AMPH: variants seen among roughly 807,000 people sequenced by gnomAD.
AMPH encodes the protein amphiphysin.
A neutral mutation model predicts 99.1 loss-of-function variants in AMPH; 49 were observed. The ratio of observed to expected loss-of-function variants is 0.49; its 90% CI spans 0.39 to 0.63. The LOEUF (loss-of-function observed/expected upper bound fraction) is 0.63, where lower values mean the gene tolerates loss of function less well. Ranked by LOEUF, AMPH falls within the 20% of genes least tolerant of loss-of-function variation. The pLI is 0.00. For synonymous variants in AMPH, 314 were observed against 317.3 expected (o/e 0.99, Z 0.11); for missense variants, 759 against 863.4 (o/e 0.88, Z 1.52).
chr7:38,621,950 C>A (rs778287340), intron 1 of AMPH, among the ~76,000 whole-genome samples: 4 of 152,180 alleles, frequency 2.6e-5, no homozygotes, highest in Non-Finnish European at 4.4e-5. Flanking sequence ...GATGTTTCAG[C>A]ATTTCCATGT....
intron 7 of AMPH, among the ~76,000 whole-genome samples, chr7:38,469,962 A>G (rs1034073011): frequency 4.6e-5 from 7 of 151,956 alleles, no homozygotes; most frequent in Non-Finnish European, 2.9e-5. Context: ...TCATTCATTC[A>G]TTTCCATTCC....
chr7:38,549,500 A>G (rs1450975846), intron 1 of AMPH, among the ~76,000 whole-genome samples: 3 of 152,262 alleles, frequency 2.0e-5, no homozygotes, highest in Non-Finnish European at 2.9e-5. Flanking sequence ...AAGAAGCCCA[A>G]CCTTCAGAAT....
At chr7:38,402,379 A>G (rs770503670) in intron 17 of AMPH, among the ~76,000 whole-genome samples, 21 of 152,272 alleles carry the variant, frequency 1.4e-4, no homozygotes, top group Admixed American at 2.6e-4. Context: ...TTTCTTTTGT[A>G]TTGCTCTATA....
chr7:38,464,209 TC>T (rs1787564409), intron 9 of AMPH: 3 of 1,087,186 alleles, frequency 2.8e-6, no homozygotes, highest in Non-Finnish European at 3.7e-6. Context: ...GATGAATTTG[TC>T]CCTTTCATTT....
intron 2 of AMPH, among the ~76,000 whole-genome samples, chr7:38,524,405 G>A (rs1046061774): frequency 6.6e-6 from 1 of 152,166 alleles, no homozygotes; most frequent in Non-Finnish European, 1.5e-5. Context: ...CATTTTCTCT[G>A]GGCCTCTAAC....
chr7:38,536,661 C>A (rs1048834757), intron 1 of AMPH, among the ~76,000 whole-genome samples: 1 of 151,806 alleles, frequency 6.6e-6, no homozygotes, highest in Admixed American at 6.6e-5. Flanking sequence ...TTTCACAAAC[C>A]AATACTACAT....
intron 17 of AMPH, among the ~76,000 whole-genome samples, chr7:38,406,609 C>A (rs1470221962): frequency 6.6e-6 from 1 of 151,714 alleles, no homozygotes; most frequent in Non-Finnish European, 1.5e-5. Context: ...AGAGGAAGAC[C>A]CCTCCTCAAT....
chr7:38,630,578 G>A (rs1794418917), intron 1 of AMPH, among the ~76,000 whole-genome samples: 1 of 152,196 alleles, frequency 6.6e-6, no homozygotes, highest in East Asian at 1.9e-4. Context: ...GGAACTATTA[G>A]GTTCAGGTCA....
Position 38,521,643 on chromosome 7 carries a change from T to C in AMPH, c.150+13288A>G, listed in dbSNP as rs374000081. Among the ~76,000 whole-genome samples the C allele has an allele frequency of 1.2e-3, 180 of 151,910 alleles. 3 individuals are homozygous for C. The South Asian group carries it at 0.023, about 20-fold the overall frequency. On this transcript the variant is annotated intron_variant, in intron 2 of 20. Transcript: ENST00000356264. ...ACATACCCCTCCATGCATCATCTCTTTTTTTTTAATACTTCATTAAAGGAA... is the reference window on the plus strand; with the variant it reads ...ACATACCCCTCCATGCATCATCTCTCTTTTTTTAATACTTCATTAAAGGAA...
At chr7:38,441,838 A>G (rs1413239098) in intron 11 of AMPH, among the ~76,000 whole-genome samples, 1 of 109,990 alleles carries the variant, frequency 9.1e-6, no homozygotes, top group Non-Finnish European at 1.7e-5. Flanking sequence ...TATATATCAT[A>G]TATCATATAT....
At chr7:38,532,452 C>G (rs902794763) in intron 2 of AMPH, among the ~76,000 whole-genome samples, 4 of 152,016 alleles carry the variant, frequency 2.6e-5, no homozygotes, top group Non-Finnish European at 5.9e-5. Context: ...TCAAATTTCC[C>G]CAAGTTTTGA....
At chr7:38,458,629 T>C (rs1202618091) in intron 11 of AMPH, among the ~76,000 whole-genome samples, 2 of 152,196 alleles carry the variant, frequency 1.3e-5, no homozygotes, top group East Asian at 1.9e-4. Flanking sequence ...TCTCAATAGA[T>C]TGAGAAAAAG....
chr7:38,492,714 C>T (rs908556116), intron 4 of AMPH, among the ~76,000 whole-genome samples: 6 of 152,092 alleles, frequency 3.9e-5, no homozygotes, highest in East Asian at 3.9e-4. Context: ...AAAAACCGGG[C>T]AGCTGCAAGA....
chr7:38,448,649 A>G (rs2284247), intron 11 of AMPH, among the ~76,000 whole-genome samples: 8,632 of 152,296 alleles, frequency 0.057, 637 homozygotes, highest in East Asian at 0.35. Context: ...ATGGTTGACC[A>G]TGGGTAACTG....
rs975279671 is a variant in AMPH, at chr7:38,384,569, C to T, written c.*249G>A. 2.5e-6 allele frequency: 1 copy of T among 400,108 alleles called. No individual in the cohort carries two copies. The highest frequency in any genetic ancestry group is 2.0e-5 in the African/African-American group (1 of 50,368). The allele number at this position is 400,108 out of a possible 1,614,324, so 24.8% of individuals were successfully genotyped here. The stretch of plus-strand genomic sequence containing the variant: ...GGGAGGGGATCAAGTACAAGAGTCT[C>T]CACAGCTTGGACAAAGCACAAACAA... On this transcript the variant is annotated 3_prime_UTR_variant, in exon 21 of 21. Coordinates refer to ENST00000356264, the MANE Select transcript of AMPH (RefSeq NM_001635.4).
At chr7:38,609,457 T>G (rs987480712) in intron 1 of AMPH, among the ~76,000 whole-genome samples, 1 of 152,178 alleles carries the variant, frequency 6.6e-6, no homozygotes, top group East Asian at 1.9e-4. Flanking sequence ...TTTAGGCATT[T>G]TGTCAGAAAC....
rs1784440127 is a variant in AMPH, at chr7:38,389,820, T to A, written c.1964A>T (p.Asp655Val). The A allele has an allele frequency of 6.2e-7, 1 of 1,613,782 alleles. No individual in the cohort carries two copies. Among genetic ancestry groups the A allele is most frequent in the African/African-American group, 1.3e-5 (1 of 74,914 alleles). The stretch of plus-strand genomic sequence containing the variant: ...TTCTTTTACCTGATCAGCTTCTGAA[T>A]CTGAGGGGACCACCAGCACCACATC... Reference protein sequence around the residue: ...RGDVVLVVPSDSEADQDAGWL... With the variant: ...RGDVVLVVPSVSEADQDAGWL... Residue 655 changes from aspartate (D) to valine (V), a missense_variant, in exon 20 of 21, where the codon GAT becomes GTT. Physicochemically the swap from Asp to Val is radical, Grantham distance 152. Around this residue, in one of 2 missense-constraint regions of AMPH, gnomAD observed 554 missense variants for 575.6 expected, o/e 0.96. Coordinates refer to ENST00000356264, the MANE Select transcript of AMPH (RefSeq NM_001635.4).
chr7:38,536,142 A>G (rs1790589998), intron 1 of AMPH, among the ~76,000 whole-genome samples: 1 of 152,226 alleles, frequency 6.6e-6, no homozygotes, highest in East Asian at 1.9e-4. Flanking sequence ...TAGACAAGGC[A>G]GGTCCACAAA....
chr7:38,525,076 T>C (rs1225176768), intron 2 of AMPH, among the ~76,000 whole-genome samples: 1 of 151,960 alleles, frequency 6.6e-6, no homozygotes, highest in Non-Finnish European at 1.5e-5. Context: ...AGGGGATATA[T>C]TTTAAATGAA....
Sources: allele counts gnomAD v4.1 joint callset (sites outside exome capture counted in the v4.1 genomes callset), GRCh38; gene constraint gnomAD v4.1.1; regional missense constraint gnomAD v4.1.1; transcripts MANE v1.5; gene names NCBI Gene and HGNC (gene_info 2026-07-23, HGNC 2026-07-21).